The following SHISA9 variants were observed in gnomAD, a reference collection of about 807,000 sequenced individuals.
The protein encoded by SHISA9 is shisa family member 9.
In SHISA9, 13 loss-of-function variants were observed where a neutral mutation model predicts 38.0. That is an observed-to-expected ratio of 0.34 (90% CI 0.22 to 0.54). The LOEUF (loss-of-function observed/expected upper bound fraction) is 0.54, where lower values mean the gene tolerates loss of function less well. SHISA9 is among the 20% of genes least tolerant of loss of function. The pLI, the probability that SHISA9 is intolerant of heterozygous loss-of-function variation, is 0.91. For synonymous variants in SHISA9, 275 were observed against 242.0 expected, an observed-to-expected ratio of 1.14 and a Z score of -1.27; for missense variants, 538 against 575.8, an observed-to-expected ratio of 0.93 and a Z score of 0.67.
chr16:12,917,559 T>TATATACAATATAC (rs982948229), intron 2 of SHISA9, among the ~76,000 whole-genome samples: 2 of 152,220 alleles, frequency 1.3e-5, no homozygotes, highest in African/African-American at 4.8e-5. Context: ...CAAAGGTCTG[T>TATATACAATATAC]ATATACAATA....
At chr16:13,192,964 A>AAG (rs1567242186) in intron 2 of SHISA9, among the ~76,000 whole-genome samples, 12 of 151,458 alleles carry the variant, frequency 7.9e-5, no homozygotes, top group African/African-American at 2.9e-4. Flanking sequence ...AGGAGGAGGA[A>AAG]AAGAAGAAGA....
intron 2 of SHISA9, among the ~76,000 whole-genome samples, chr16:12,943,881 CTTGTTTA>C (rs545980531): frequency 2.2e-4 from 33 of 152,284 alleles, no homozygotes; most frequent in African/African-American, 7.5e-4. Flanking sequence ...TCTTGACTTA[CTTGTTTA>C]TTGTCATTCT....
intron 2 of SHISA9, among the ~76,000 whole-genome samples, chr16:12,956,181 C>G (rs1354796650): frequency 4.0e-5 from 6 of 149,750 alleles, no homozygotes; most frequent in Non-Finnish European, 8.9e-5. Flanking sequence ...CCACACTGAG[C>G]TACGCCTTAC....
intron 2 of SHISA9, among the ~76,000 whole-genome samples, chr16:13,004,951 A>AAAAAAG (rs1555453901): frequency 0.26 from 21,035 of 81,236 alleles, 1,933 homozygotes; most frequent in Middle Eastern, 0.37. Context: ...AAGAAAAAAA[A>AAAAAAG]AAAAAAAGAA....
chr16:13,467,468 C>T, the SHISA9 span, among the ~76,000 whole-genome samples: 1 of 152,190 alleles, frequency 6.6e-6, no homozygotes, highest in East Asian at 1.9e-4. Flanking sequence ...CATTGGCTTT[C>T]CTGGTTTTGA....
chr16:13,127,801 C>G (rs1490660211), intron 2 of SHISA9, among the ~76,000 whole-genome samples: 1 of 152,118 alleles, frequency 6.6e-6, no homozygotes, highest in Non-Finnish European at 1.5e-5. Context: ...GCCATAAAAT[C>G]ACAGTGAAAG....
At chr16:13,473,364 T>G in the SHISA9 span, among the ~76,000 whole-genome samples, 51 of 146,292 alleles carry the variant, frequency 3.5e-4, 1 homozygote, top group African/African-American at 1.2e-3. Flanking sequence ...TTTTTTTTTT[T>G]TTTTTTTGAG....
At chr16:13,410,575 T>C in the SHISA9 span, among the ~76,000 whole-genome samples, 1 of 152,150 alleles carries the variant, frequency 6.6e-6, no homozygotes, top group Admixed American at 6.5e-5. Context: ...AACACAGAAT[T>C]AGAACCTACA....
At chr16:13,095,915 T>C (rs2073820996) in intron 2 of SHISA9, among the ~76,000 whole-genome samples, 1 of 152,214 alleles carries the variant, frequency 6.6e-6, no homozygotes, top group Non-Finnish European at 1.5e-5. Context: ...CAAGTCCTTA[T>C]GTCTGGGGCA....
the SHISA9 span, among the ~76,000 whole-genome samples, chr16:13,361,683 C>T: frequency 1.3e-5 from 2 of 152,292 alleles, no homozygotes; most frequent in South Asian, 4.1e-4. Context: ...ATGTGCTGTT[C>T]CACCTGCACG....
At chr16:13,325,809 A>C in the SHISA9 span, among the ~76,000 whole-genome samples, 1 of 152,036 alleles carries the variant, frequency 6.6e-6, no homozygotes, top group Admixed American at 6.6e-5. Context: ...AACAGAAAAC[A>C]AAACACTGTA....
In SHISA9 at chr16:13,105,002, G is replaced by A. The variant is rs377664841; in HGVS notation, c.692-98392G>A. Among the ~76,000 whole-genome samples the A allele has an allele frequency of 1.3e-3, 205 of 152,222 alleles. 2 individuals carry two copies. Among genetic ancestry groups the A allele is most frequent in the Middle Eastern group, 0.01 (3 of 294 alleles). ...CAGTTTCCCTGTCCATAAAATGGGC[G>A]TAAATACTACTTCATAGGGTTGTTG... On this transcript the variant is annotated intron_variant, in intron 2 of 4. Coordinates refer to ENST00000558583, the MANE Select transcript of SHISA9 (RefSeq NM_001145204.3).
intron 2 of SHISA9, among the ~76,000 whole-genome samples, chr16:12,934,591 C>G (rs528480787): frequency 6.6e-6 from 1 of 152,166 alleles, no homozygotes; most frequent in Non-Finnish European, 1.5e-5. Flanking sequence ...TCCTTAATCA[C>G]TTTCTATGGT....
the SHISA9 span, among the ~76,000 whole-genome samples, chr16:13,306,699 C>A: frequency 1.3e-5 from 2 of 152,162 alleles, no homozygotes; most frequent in Non-Finnish European, 2.9e-5. Context: ...GAGCTAACAT[C>A]TTTCAGAGCA....
chr16:13,366,252 A>C, the SHISA9 span, among the ~76,000 whole-genome samples: 3 of 152,220 alleles, frequency 2.0e-5, no homozygotes, highest in African/African-American at 7.2e-5. Flanking sequence ...CTTTAATGGA[A>C]CATTTAGGCT....
At chr16:13,373,715 T>G in the SHISA9 span, among the ~76,000 whole-genome samples, 2 of 149,496 alleles carry the variant, frequency 1.3e-5, no homozygotes, top group Admixed American at 1.3e-4. Context: ...TGACCGAGAT[T>G]GCACCACTGC....
chr16:13,091,745 CA>C (rs1351999383), intron 2 of SHISA9, among the ~76,000 whole-genome samples: 1 of 152,174 alleles, frequency 6.6e-6, no homozygotes, highest in Non-Finnish European at 1.5e-5. Context: ...TGGGTTCACA[CA>C]TCCTCCTTTA....
the SHISA9 span, among the ~76,000 whole-genome samples, chr16:13,483,522 T>C: frequency 6.6e-6 from 1 of 152,208 alleles, no homozygotes; most frequent in African/African-American, 2.4e-5. Flanking sequence ...CCACAATCCA[T>C]GGCTCATAGC....
At chr16:12,937,045 C>T (rs867516810) in intron 2 of SHISA9, among the ~76,000 whole-genome samples, 1 of 152,146 alleles carries the variant, frequency 6.6e-6, no homozygotes, top group Admixed American at 6.5e-5. Flanking sequence ...AGCTGGTCCT[C>T]TTGTGAACCA....
Sources: gnomAD v4.1 joint callset for allele counts (sites outside exome capture counted in the v4.1 genomes callset) on GRCh38, gnomAD v4.1.1 for gene constraint, MANE v1.5 for transcripts, NCBI Gene and HGNC (gene_info 2026-07-23, HGNC 2026-07-21) for gene names.